SLC24A3: variants seen among roughly 807,000 people sequenced by gnomAD.
SLC24A3 encodes solute carrier family 24 member 3, also known as sodium/potassium/calcium exchanger 3.
SLC24A3 carries 28 observed loss-of-function variants against 75.8 expected under a neutral mutation model. That is an observed-to-expected ratio of 0.37 (90% CI 0.27 to 0.51). SLC24A3 has a LOEUF of 0.51. Among genes scored for constraint, SLC24A3 ranks in the 20% least tolerant of loss-of-function variants. SLC24A3 has a pLI of 0.94. For missense variants in SLC24A3, 663 were observed against 847.8 expected, an observed-to-expected ratio of 0.78 and a Z score of 2.71; for synonymous variants, 372 against 334.1, an observed-to-expected ratio of 1.11 and a Z score of -1.24.
chr20:19,346,175 A>G (rs1483683578), intron 2 of SLC24A3, among the ~76,000 whole-genome samples: 2 of 108,648 alleles, frequency 1.8e-5, no homozygotes, highest in East Asian at 2.7e-4. Flanking sequence ...TATATGGTAT[A>G]TATATATGGT....
chr20:19,450,342 C>G (rs1987458851), intron 2 of SLC24A3, among the ~76,000 whole-genome samples: 1 of 152,190 alleles, frequency 6.6e-6, no homozygotes, highest in South Asian at 2.1e-4. Context: ...CACTTTCTTT[C>G]TGTTCTCACT....
chr20:19,444,001 C>T (rs1987338422), intron 2 of SLC24A3, among the ~76,000 whole-genome samples: 1 of 152,160 alleles, frequency 6.6e-6, no homozygotes, highest in African/African-American at 2.4e-5. Context: ...CTGCCAGGTT[C>T]CCCTCTATCC....
At chr20:19,285,185 C>CA (rs1442837809) in intron 2 of SLC24A3, among the ~76,000 whole-genome samples, 1 of 151,998 alleles carries the variant, frequency 6.6e-6, no homozygotes, top group Admixed American at 6.6e-5. Context: ...TTTCTGCTTT[C>CA]AAAAAAATGG....
chr20:19,402,871 G>T (rs1243880112), intron 2 of SLC24A3, among the ~76,000 whole-genome samples: 2 of 152,226 alleles, frequency 1.3e-5, no homozygotes, highest in South Asian at 2.1e-4. Flanking sequence ...GCATGGGTGG[G>T]CATGGTCTGC....
chr20:19,480,279 C>T (rs1437660285), intron 2 of SLC24A3, among the ~76,000 whole-genome samples: 1 of 152,144 alleles, frequency 6.6e-6, no homozygotes, highest in Admixed American at 6.5e-5. Flanking sequence ...CATTTCACCT[C>T]TCTGGGGCTG....
intron 2 of SLC24A3, among the ~76,000 whole-genome samples, chr20:19,372,038 A>G (rs1050946688): frequency 5.9e-5 from 9 of 152,158 alleles, no homozygotes; most frequent in Admixed American, 3.3e-4. Flanking sequence ...AAAAGTATAC[A>G]TGCCTTGGAA....
intron 8 of SLC24A3, among the ~76,000 whole-genome samples, chr20:19,669,523 A>C (rs2032440686): frequency 6.6e-6 from 1 of 152,016 alleles, no homozygotes; most frequent in Non-Finnish European, 1.5e-5. Context: ...AAGAAAAAAA[A>C]GTGTCAGAGG....
rs377347280 is a variant in SLC24A3, at chr20:19,406,487, A to G, written c.272-109001A>G. Among the ~76,000 whole-genome samples the G allele has an allele frequency of 2.1e-4, 32 of 152,268 alleles. No homozygotes were observed. The South Asian group carries it at 3.7e-3, about 18-fold the overall frequency. ...GATCTTTATCCAGAGAGTCAATCCA[A>G]TTCAATTCAAAAATGTTTATTGCCA... On this transcript the variant is annotated intron_variant, in intron 2 of 16. Coordinates refer to ENST00000328041, the MANE Select transcript of SLC24A3 (RefSeq NM_020689.4).
chr20:19,494,949 G>A (rs1006457968), intron 2 of SLC24A3, among the ~76,000 whole-genome samples: 5 of 152,212 alleles, frequency 3.3e-5, no homozygotes, highest in African/African-American at 1.2e-4. Flanking sequence ...GAAAAGGAGT[G>A]AGAGAAACAG....
rs578171578 is a variant in SLC24A3, at chr20:19,653,417, G to A, written c.613-645G>A. On this transcript the variant is annotated intron_variant, in intron 6 of 16. Transcript: ENST00000328041. Reference sequence around the variant, plus strand: ...ATCTTTCAAAGATTCTGATTAAACCGAGGTCAAATGCCAGCAAGGCCAGGC... The same window carrying A: ...ATCTTTCAAAGATTCTGATTAAACCAAGGTCAAATGCCAGCAAGGCCAGGC... Among the ~76,000 whole-genome samples the A allele has an allele frequency of 5.3e-5, 8 of 152,322 alleles. No individual in the cohort carries two copies. In the East Asian group the frequency reaches 1.4e-3, roughly 26 times the overall value.
intron 6 of SLC24A3, among the ~76,000 whole-genome samples, chr20:19,618,992 G>A (rs902426914): frequency 6.6e-6 from 1 of 152,174 alleles, no homozygotes; most frequent in African/African-American, 2.4e-5. Flanking sequence ...GGGCAGCCCA[G>A]AGCTCCAGCC....
intron 1 of SLC24A3, among the ~76,000 whole-genome samples, chr20:19,221,802 C>A (rs1423320972): frequency 6.6e-6 from 1 of 152,172 alleles, no homozygotes; most frequent in Non-Finnish European, 1.5e-5. Flanking sequence ...TTTTCCTAAT[C>A]TTCAATCACG....
At chr20:19,292,783 C>T (rs370767367) in intron 2 of SLC24A3, among the ~76,000 whole-genome samples, 32 of 152,266 alleles carry the variant, frequency 2.1e-4, no homozygotes, top group East Asian at 7.7e-4. Flanking sequence ...GTCGTCTAAA[C>T]GACAGAAATT....
chr20:19,292,094 G>A (rs1459778992), intron 2 of SLC24A3, among the ~76,000 whole-genome samples: 3 of 152,210 alleles, frequency 2.0e-5, no homozygotes, highest in Admixed American at 6.5e-5. Context: ...CATGGGCTGT[G>A]GGACCCTGGA....
intron 2 of SLC24A3, among the ~76,000 whole-genome samples, chr20:19,315,588 C>A (rs1984567824): frequency 6.6e-6 from 1 of 152,088 alleles, no homozygotes; most frequent in South Asian, 2.1e-4. Flanking sequence ...TGATGTCCCT[C>A]CCTCCTGGTT....
chr20:19,303,560 G>A (rs1408403780), intron 2 of SLC24A3, among the ~76,000 whole-genome samples: 3 of 152,162 alleles, frequency 2.0e-5, no homozygotes, highest in Non-Finnish European at 4.4e-5. Context: ...TGGTATTTCT[G>A]TTAATTTCTT....
At chr20:19,223,160 C>T (rs747738830) in intron 1 of SLC24A3, among the ~76,000 whole-genome samples, 7 of 152,022 alleles carry the variant, frequency 4.6e-5, no homozygotes, top group Admixed American at 1.3e-4. Flanking sequence ...GGTGAAGTGG[C>T]GCATGCCTGT....
At chr20:19,500,105 A>C (rs1026420063) in intron 2 of SLC24A3, among the ~76,000 whole-genome samples, 3 of 152,190 alleles carry the variant, frequency 2.0e-5, no homozygotes, top group African/African-American at 7.2e-5. Flanking sequence ...GTCCCTGAAA[A>C]GCTCATTACA....
At chr20:19,237,113 G>T (rs1982189515) in intron 1 of SLC24A3, among the ~76,000 whole-genome samples, 1 of 152,206 alleles carries the variant, frequency 6.6e-6, no homozygotes, top group African/African-American at 2.4e-5. Context: ...GATTAGCTCT[G>T]TTTCATTAGG....
Sources: allele counts gnomAD v4.1 joint callset (sites outside exome capture counted in the v4.1 genomes callset), GRCh38; gene constraint gnomAD v4.1.1; transcripts MANE v1.5; gene names NCBI Gene and HGNC (gene_info 2026-07-23, HGNC 2026-07-21).